DNAH10: variants seen among roughly 807,000 people sequenced by gnomAD.
The protein encoded by DNAH10 is axonemal beta dynein heavy chain 10.
A neutral mutation model predicts 506.6 loss-of-function variants in DNAH10; 348 were observed. The ratio of observed to expected loss-of-function variants is 0.69; its 90% CI spans 0.63 to 0.75. The LOEUF (loss-of-function observed/expected upper bound fraction) is 0.75, where lower values mean the gene tolerates loss of function less well. Ranked by LOEUF, DNAH10 falls within the 30% of genes least tolerant of loss-of-function variation. DNAH10 has a pLI of 0.00. For synonymous variants in DNAH10, 2,059 were observed against 2,198.6 expected (o/e 0.94, Z 1.78); for missense variants, 5,179 against 5,787.1 (o/e 0.89, Z 3.41).
chr12:123,848,151 G>A, intron 33 of DNAH10, 56 bp downstream of exon 33: 1 of 1,568,686 alleles, frequency 6.4e-7, no homozygotes, highest in Non-Finnish European at 8.7e-7. Flanking sequence ...GCTTAAAGCA[G>A]GACATGGCAT....
chr12:123,848,707 T>C, intron 33 of DNAH10, 23 bp from the exon 34 acceptor site: 1 of 1,613,482 alleles, frequency 6.2e-7, no homozygotes. Flanking sequence ...ATTGCCCTTG[T>C]CCTGACATGT....
chr12:123,856,934 A>C, intron 36 of DNAH10, 122 bp from the exon 37 acceptor site: 1 of 559,054 alleles, frequency 1.8e-6, no homozygotes, highest in South Asian at 9.5e-5. Context: ...AAAATAATAA[A>C]ATGTTTATAT....
chr12:123,765,146 T>C (rs991399796), intron 1 of DNAH10, among the ~76,000 whole-genome samples: 1 of 151,756 alleles, frequency 6.6e-6, no homozygotes, highest in African/African-American at 2.4e-5. Flanking sequence ...ATGATAGGAA[T>C]GGAGACAAGC....
chr12:123,879,547 A>G lies in DNAH10; in HGVS notation c.8467-87A>G, dbSNP rs1952410070. The stretch of plus-strand genomic sequence containing the variant: ...AAAAATAGAACGCAAATTATTTTAG[A>G]TAATAGTACGTATCCTCTGCTCCTA... On this transcript the variant is annotated intron_variant, in intron 49 of 78. Coordinates refer to ENST00000673944, the MANE Select transcript of DNAH10 (RefSeq NM_001372106.1). 6 of 1,550,408 alleles carry G rather than the reference A, an allele frequency of 3.9e-6. No individual in the cohort carries two copies. In the African/African-American group the frequency reaches 4.1e-5, roughly 11 times the overall value.
At chr12:123,820,831 C>G in intron 24 of DNAH10, 73 bp downstream of exon 24, 6 of 1,501,534 alleles carry the variant, frequency 4.0e-6, no homozygotes, top group Non-Finnish European at 3.6e-6. Flanking sequence ...GCCCTGCAGA[C>G]TTTGATGCCA....
intron 56 of DNAH10, among the ~76,000 whole-genome samples, chr12:123,901,637 A>G (rs1225640243): frequency 6.6e-6 from 1 of 152,208 alleles, no homozygotes; most frequent in East Asian, 1.9e-4. Context: ...TGAAAACAAC[A>G]GACATTTATT....
At chr12:123,813,941 T>G in intron 21 of DNAH10, 29 bp downstream of exon 21, 1 of 1,553,836 alleles carries the variant, frequency 6.4e-7, no homozygotes, top group Non-Finnish European at 8.6e-7. Context: ...TCTTATTCAT[T>G]TAACAATTGG....
rs1954622501 is a variant in DNAH10, at chr12:123,919,170, G to A, written c.11506+221G>A. ...GGCTCACTGCAACCTCCACCTCCCA[G>A]GCTCAGGTGATCCTCCTACCTCAGC... On this transcript the variant is annotated intron_variant, in intron 65 of 78. Transcript: ENST00000673944. The surrounding 1 kb of genome is among the most constrained non-coding windows in gnomAD (Gnocchi z 4.9). 1 of 532,390 alleles carries A rather than the reference G, an allele frequency of 1.9e-6. No individual in the cohort carries two copies. Among genetic ancestry groups the A allele is most frequent in the Admixed American group, 3.5e-5 (1 of 28,552 alleles). The allele number at this position is 532,390 out of a possible 1,614,324, so 33.0% of individuals were successfully genotyped here. A position where few individuals can be genotyped will look rare whatever the true frequency, so the allele number is the denominator to read the frequency against.
At position 123,796,740 on chromosome 12, in the gene DNAH10, T is replaced by C. The variant is rs769239332; in HGVS notation, c.2071T>C (p.Tyr691His). Reference protein sequence around the residue: ...KNHPPVAGAIYWERSLFFRIK... With the variant: ...KNHPPVAGAIHWERSLFFRIK... ...TCACCCTCCAGTAGCAGGTGCAATA[T>C]ACTGGGAACGATCTCTGTTCTTTCG... The change falls in exon 13 of 79, where the codon TAC becomes CAC. Residue 691 changes from tyrosine (Y) to histidine (H), a missense_variant. This residue lies in a region of DNAH10 where 4,844 missense variants were observed against 5,430.5 expected (regional missense o/e 0.89). Coordinates refer to ENST00000673944, the MANE Select transcript of DNAH10 (RefSeq NM_001372106.1). 4 of 1,614,104 alleles carry C rather than the reference T, an allele frequency of 2.5e-6. No individual in the cohort carries two copies. Among genetic ancestry groups the C allele is most frequent in the Non-Finnish European group, 3.4e-6 (4 of 1,179,994 alleles).
chr12:123,790,616 A>T (rs774065603), intron 11 of DNAH10, among the ~76,000 whole-genome samples: 5 of 152,130 alleles, frequency 3.3e-5, no homozygotes, highest in Non-Finnish European at 7.3e-5. Context: ...AACAGTGTGA[A>T]TGAAGGTGAC....
chr12:123,813,564 C>G lies in DNAH10; in HGVS notation c.3545C>G (p.Ser1182Cys). Residue 1182 changes from serine to cysteine, a missense_variant, in exon 20 of 79, where the codon TCC (serine) becomes TGC (cysteine). Physicochemically the swap from Ser to Cys is moderately radical, Grantham distance 112. This residue lies in a region of DNAH10 where 4,844 missense variants were observed against 5,430.5 expected (regional missense o/e 0.89). Coordinates refer to ENST00000673944, the MANE Select transcript of DNAH10 (RefSeq NM_001372106.1). ...AACACAGTGCAGGAAAATGCCAAGTCCTGGGTGATTTCGCTTGGAAAACTT... is the reference window on the plus strand; with the variant it reads ...AACACAGTGCAGGAAAATGCCAAGTGCTGGGTGATTTCGCTTGGAAAACTT... ...LANTVQENAK[S>C]WVISLGKLLN... is the part of the protein sequence containing the mutation. 6.2e-7 allele frequency: 1 copy of G among 1,614,178 alleles called. No homozygotes were observed. Among genetic ancestry groups the G allele is most frequent in the Non-Finnish European group, 8.5e-7 (1 of 1,180,046 alleles).
Position 123,879,948 on chromosome 12 carries a change from G to A in DNAH10, c.8634+147G>A, listed in dbSNP as rs930293769. 2.1e-5 allele frequency: 21 copies of A among 987,272 alleles called. No homozygotes were observed. In the African/African-American group the frequency reaches 3.4e-4, roughly 16 times the overall value. The allele number at this position is 987,272 out of a possible 1,614,324, so 61.2% of individuals were successfully genotyped here. A position where few individuals can be genotyped will look rare whatever the true frequency, so the allele number is the denominator to read the frequency against. On this transcript the variant is annotated intron_variant, in intron 50 of 78. Coordinates refer to ENST00000673944, the MANE Select transcript of DNAH10 (RefSeq NM_001372106.1). ...ATACGGGCTTGTGTCTGGTCCGGTG[G>A]TTCCCACATCCAGCATGCTTGGGAG...
At chr12:123,875,665 C>T (rs545969318) in intron 47 of DNAH10, among the ~76,000 whole-genome samples, 174 bp downstream of exon 47, 347 of 152,232 alleles carry the variant, frequency 2.3e-3, no homozygotes, top group Non-Finnish European at 4.1e-3. Context: ...CATCTTTATA[C>T]GATGCCATTA....
intron 9 of DNAH10, among the ~76,000 whole-genome samples, chr12:123,786,453 G>A (rs768980090): frequency 4.7e-5 from 7 of 150,144 alleles, no homozygotes; most frequent in Non-Finnish European, 7.4e-5. Flanking sequence ...GTCAGTCCTC[G>A]CCTCTCCCCA....
rs770804122 is a variant in DNAH10 at position 123,778,807 on chromosome 12, A to G, written c.622-2273A>G. Among the ~76,000 whole-genome samples, 57 of 152,260 alleles carry G rather than the reference A, an allele frequency of 3.7e-4. 1 individual carries two copies. Among genetic ancestry groups the G allele is most frequent in the Admixed American group, 5.9e-4 (9 of 15,298 alleles). Reference sequence around the variant, plus strand: ...GGCTATAGTGCAGTGGCACAATCACATCTCACTGCAGCCTCAAACTCCCAG... The same window carrying G: ...GGCTATAGTGCAGTGGCACAATCACGTCTCACTGCAGCCTCAAACTCCCAG... On this transcript the variant is annotated intron_variant, in intron 5 of 78. Coordinates refer to ENST00000673944, the MANE Select transcript of DNAH10 (RefSeq NM_001372106.1).
At chr12:123,869,334 C>T (rs1214946912) in intron 43 of DNAH10, among the ~76,000 whole-genome samples, 10 of 152,114 alleles carry the variant, frequency 6.6e-5, no homozygotes, top group South Asian at 6.2e-4. Flanking sequence ...CTGAGACCTC[C>T]GCATGCCTTG....
chr12:123,813,913 G>A lies in DNAH10; in HGVS notation c.3780+1G>A, dbSNP rs1373432271. 2 of 1,571,838 alleles carry A rather than the reference G, an allele frequency of 1.3e-6. No individual in the cohort carries two copies. The highest frequency in any genetic ancestry group is 1.7e-6 in the Non-Finnish European group (2 of 1,166,590). Reference sequence around the variant, plus strand: ...TACCATGGCAATGTATAACCTCTTTGTAAGTCAACTTGTATTTTCTTATTC... The same window carrying A: ...TACCATGGCAATGTATAACCTCTTTATAAGTCAACTTGTATTTTCTTATTC... On this transcript the variant is annotated splice_donor_variant, in intron 21 of 78. Transcript: ENST00000673944. LOFTEE classifies it high-confidence loss of function.
chr12:123,785,428 A>T lies in DNAH10; in HGVS notation c.1231-318A>T, dbSNP rs80291806. Among the ~76,000 whole-genome samples the T allele has an allele frequency of 6.6e-6, 1 of 152,178 alleles. No homozygotes were observed. Among genetic ancestry groups the T allele is most frequent in the Non-Finnish European group, 1.5e-5 (1 of 68,034 alleles). ...GTTATTATTATAAGAGATTAAAAAAAGTCTGCTCACCTGGGCAACATAGTG... is the reference window on the plus strand; with the variant it reads ...GTTATTATTATAAGAGATTAAAAAATGTCTGCTCACCTGGGCAACATAGTG... On this transcript the variant is annotated intron_variant, in intron 8 of 78. Transcript: ENST00000673944. This position sits in a 1 kb window ranked among gnomAD's most constrained non-coding sequence, Gnocchi z 4.1.
In DNAH10 at chr12:123,869,109, T is replaced by C. The variant is rs137932365; in HGVS notation, c.7519+990T>C. ...GCCCTGCAGGCCCTCGAGCATACGC[T>C]TGACGGTGATCTCTGGCACTGTCAT... On this transcript the variant is annotated intron_variant, in intron 43 of 78. Transcript: ENST00000673944. 3.8e-3 allele frequency among the ~76,000 whole-genome samples: 581 copies of C among 152,272 alleles called. 2 individuals are homozygous for C. Among genetic ancestry groups the C allele is most frequent in the African/African-American group, 0.013 (533 of 41,566 alleles).
Sources: allele counts gnomAD v4.1 joint callset (sites outside exome capture counted in the v4.1 genomes callset), GRCh38; gene constraint gnomAD v4.1.1; regional missense constraint gnomAD v4.1.1; non-coding constraint Gnocchi (gnomAD v3.1); transcripts MANE v1.5; gene names NCBI Gene and HGNC (gene_info 2026-07-23, HGNC 2026-07-21).